TMEM132D: variants seen among roughly 807,000 people sequenced by gnomAD.
TMEM132D encodes transmembrane protein 132D, also known as mature OL transmembrane protein.
TMEM132D carries 21 observed loss-of-function variants against 62.3 expected under a neutral mutation model. That is an observed-to-expected ratio of 0.34 (90% CI 0.24 to 0.49). TMEM132D has a LOEUF of 0.49. Among genes scored for constraint, TMEM132D ranks in the 20% least tolerant of loss-of-function variants. The pLI, the probability that TMEM132D is intolerant of heterozygous loss-of-function variation, is 0.99. For missense variants in TMEM132D, 1,346 were observed against 1,402.8 expected, an observed-to-expected ratio of 0.96 and a Z score of 0.65; for synonymous variants, 621 against 575.6, an observed-to-expected ratio of 1.08 and a Z score of -1.13.
At chr12:129,626,650 T>A (rs1879225204) in intron 2 of TMEM132D, among the ~76,000 whole-genome samples, 1 of 152,032 alleles carries the variant, frequency 6.6e-6, no homozygotes, top group South Asian at 2.1e-4. Context: ...AGAGACGGGG[T>A]TTCACCATGT....
chr12:129,280,514 A>G (rs943516352), intron 4 of TMEM132D, among the ~76,000 whole-genome samples: 1 of 152,216 alleles, frequency 6.6e-6, no homozygotes, highest in Admixed American at 6.5e-5. Flanking sequence ...CTTATACAAC[A>G]GACTTTTCCT....
chr12:129,441,197 C>T (rs756723592), intron 3 of TMEM132D, among the ~76,000 whole-genome samples: 1 of 152,218 alleles, frequency 6.6e-6, no homozygotes, highest in Non-Finnish European at 1.5e-5. Flanking sequence ...CAAACAACCT[C>T]TCACCTGAGG....
chr12:129,134,117 T>TGC (rs1876471240), intron 5 of TMEM132D, among the ~76,000 whole-genome samples: 1 of 6,026 alleles, frequency 1.7e-4, no homozygotes, highest in Admixed American at 1.1e-3. Context: ...GTCTGTGTGT[T>TGC]GTGTGTGTGT....
intron 1 of TMEM132D, among the ~76,000 whole-genome samples, chr12:129,875,404 C>A (rs942332103): frequency 2.0e-5 from 3 of 152,178 alleles, no homozygotes; most frequent in African/African-American, 7.2e-5. Context: ...GTTCTGGAGG[C>A]TGGAAAGCCG....
At chr12:129,564,864 C>T (rs966963500) in intron 2 of TMEM132D, among the ~76,000 whole-genome samples, 42 of 152,100 alleles carry the variant, frequency 2.8e-4, no homozygotes, top group Middle Eastern at 3.2e-3. Context: ...TGGAAGGTAG[C>T]GAAACCCAAC....
intron 3 of TMEM132D, among the ~76,000 whole-genome samples, chr12:129,404,960 G>A (rs1165959480): frequency 6.6e-6 from 1 of 152,156 alleles, no homozygotes; most frequent in African/African-American, 2.4e-5. Context: ...TGTCAGATAA[G>A]CATAGGGCTA....
intron 2 of TMEM132D, among the ~76,000 whole-genome samples, chr12:129,560,880 C>T (rs1394968702): frequency 3.3e-5 from 5 of 152,118 alleles, no homozygotes; most frequent in Non-Finnish European, 5.9e-5. Flanking sequence ...GTAAGCCACG[C>T]GTCACTTTCA....
chr12:129,612,689 C>T (rs980258379), intron 2 of TMEM132D, among the ~76,000 whole-genome samples: 5 of 149,590 alleles, frequency 3.3e-5, no homozygotes, highest in Non-Finnish European at 7.4e-5. Context: ...CCATACTGCT[C>T]CCCAAAATGT....
At chr12:129,493,965 C>T (rs533956183) in intron 3 of TMEM132D, among the ~76,000 whole-genome samples, 3 of 152,250 alleles carry the variant, frequency 2.0e-5, no homozygotes, top group African/African-American at 7.2e-5. Context: ...GCAGGATGTG[C>T]CTTAGGTATA....
chr12:129,811,599 G>C (rs1328158596), intron 1 of TMEM132D, among the ~76,000 whole-genome samples: 2 of 151,720 alleles, frequency 1.3e-5, no homozygotes, highest in South Asian at 2.1e-4. Context: ...GTGAGTGTGC[G>C]ACCTTACCTG....
chr12:129,156,787 C>T (rs902989223), intron 5 of TMEM132D, among the ~76,000 whole-genome samples: 1 of 152,178 alleles, frequency 6.6e-6, no homozygotes, highest in Admixed American at 6.5e-5. Context: ...CAAACTCACT[C>T]CCATGATAAC....
At chr12:129,685,465 G>T (rs988263949) in intron 2 of TMEM132D, among the ~76,000 whole-genome samples, 1 of 152,222 alleles carries the variant, frequency 6.6e-6, no homozygotes, top group Non-Finnish European at 1.5e-5. Flanking sequence ...CAGAAGTCAA[G>T]AATTGAGGTT....
chr12:129,112,260 G>A (rs1875727359), intron 5 of TMEM132D, among the ~76,000 whole-genome samples: 1 of 152,230 alleles, frequency 6.6e-6, no homozygotes, highest in South Asian at 2.1e-4. Flanking sequence ...AGTTGGGAAG[G>A]ACAGGCAGAA....
intron 1 of TMEM132D, among the ~76,000 whole-genome samples, chr12:129,893,118 G>A (rs1214525852): frequency 2.0e-5 from 3 of 151,970 alleles, no homozygotes; most frequent in African/African-American, 7.3e-5. Context: ...CTCGTGATCC[G>A]CCTGCCTCGG....
chr12:129,778,933 G>C (rs1008017215), intron 1 of TMEM132D, among the ~76,000 whole-genome samples: 4 of 152,186 alleles, frequency 2.6e-5, no homozygotes, highest in Admixed American at 2.6e-4. Flanking sequence ...AATGATAAAG[G>C]CTATGTGAGC....
chr12:129,382,984 A>G (rs1034205073), intron 3 of TMEM132D, among the ~76,000 whole-genome samples: 1 of 152,144 alleles, frequency 6.6e-6, no homozygotes, highest in Non-Finnish European at 1.5e-5. Context: ...GTGGAAAAAT[A>G]TTAATGACAC....
intron 5 of TMEM132D, among the ~76,000 whole-genome samples, chr12:129,174,589 T>C (rs1877847392): frequency 6.6e-6 from 1 of 152,220 alleles, no homozygotes; most frequent in South Asian, 2.1e-4. Context: ...CTTGGGTATA[T>C]ACCCAGTAAT....
intron 3 of TMEM132D, among the ~76,000 whole-genome samples, chr12:129,409,429 G>A (rs181414717): frequency 1.0e-3 from 154 of 152,268 alleles, no homozygotes; most frequent in African/African-American, 3.6e-3. Flanking sequence ...AGCCTCTGAC[G>A]CACTTCTGGA....
intron 4 of TMEM132D, among the ~76,000 whole-genome samples, chr12:129,272,549 G>A (rs1050429013): frequency 2.0e-5 from 3 of 151,954 alleles, no homozygotes; most frequent in South Asian, 2.1e-4. Context: ...TTGTTATTAA[G>A]AGTATTTGCA....
Sources: gnomAD v4.1 joint callset for allele counts (sites outside exome capture counted in the v4.1 genomes callset) on GRCh38, gnomAD v4.1.1 for gene constraint, MANE v1.5 for transcripts, NCBI Gene and HGNC (gene_info 2026-07-23, HGNC 2026-07-21) for gene names.